The following SDHAF3 variants were observed in gnomAD, a reference collection of about 807,000 sequenced individuals.
SDHAF3 encodes the protein succinate dehydrogenase assembly factor 3, mitochondrial.
A neutral mutation model predicts 11.5 loss-of-function variants in SDHAF3; 18 were observed. The observed-to-expected ratio is 1.56, with a 90% CI of 1.08 to 2.32. The LOEUF (loss-of-function observed/expected upper bound fraction) is 2.32. SDHAF3 is among the 30% of genes most tolerant of loss of function. The pLI, the probability that SDHAF3 is intolerant of heterozygous loss-of-function variation, is 0.00. For missense variants in SDHAF3, 200 were observed against 154.4 expected (o/e 1.30, Z -1.57); for synonymous variants, 72 against 59.3 (o/e 1.21, Z -0.99).
chr7:97,144,126 G>A (rs1789100751), intron 1 of SDHAF3, among the ~76,000 whole-genome samples: 2 of 151,992 alleles, frequency 1.3e-5, no homozygotes, highest in Non-Finnish European at 2.9e-5. Flanking sequence ...TCGGCCTTTT[G>A]TATATCTTCT....
chr7:97,139,731 G>C (rs1789001265), intron 1 of SDHAF3, among the ~76,000 whole-genome samples: 1 of 152,224 alleles, frequency 6.6e-6, no homozygotes, highest in African/African-American at 2.4e-5. Context: ...AGAATTCCAG[G>C]TAAGAGTGCT....
chr7:97,148,891 TAAA>T (rs537857571), intron 1 of SDHAF3, among the ~76,000 whole-genome samples: 57 of 152,018 alleles, frequency 3.7e-4, no homozygotes, highest in African/African-American at 1.3e-3. Context: ...TACAGTAATT[TAAA>T]AAGTAGATTC....
intron 1 of SDHAF3, among the ~76,000 whole-genome samples, chr7:97,171,477 T>C (rs1282585448): frequency 1.3e-5 from 2 of 152,128 alleles, no homozygotes; most frequent in African/African-American, 2.4e-5. Flanking sequence ...TAATTCTGAT[T>C]GTGACAGCAT....
chr7:97,148,667 T>TA lies in SDHAF3; in HGVS notation c.174+30773dup, dbSNP rs1235498595. 6.6e-5 allele frequency among the ~76,000 whole-genome samples: 10 copies of TA among 152,352 alleles called. No homozygotes were observed. The East Asian group carries it at 1.9e-3, about 29-fold the overall frequency. ...TTTGAAGCATCTACTATCACTGATA[T>TA]AAAGCTAACAGCATTCAACTTTTTT... On this transcript the variant is annotated intron_variant, in intron 1 of 1. Coordinates refer to ENST00000432641, the MANE Select transcript of SDHAF3 (RefSeq NM_020186.3).
chr7:97,160,195 A>T, intron 1 of SDHAF3, among the ~76,000 whole-genome samples: 1 of 111,302 alleles, frequency 9.0e-6, no homozygotes. Context: ...TCGTCTGGGA[A>T]GTGAGGAGCG....
chr7:97,121,918 C>T (rs1044895598), intron 1 of SDHAF3, among the ~76,000 whole-genome samples: 9 of 144,492 alleles, frequency 6.2e-5, no homozygotes, highest in Admixed American at 2.2e-4. Flanking sequence ...AGTGCAGTGG[C>T]GTGATCTCAG....
chr7:97,120,458 G>C (rs1791473922), intron 1 of SDHAF3, among the ~76,000 whole-genome samples: 1 of 152,182 alleles, frequency 6.6e-6, no homozygotes, highest in African/African-American at 2.4e-5. Flanking sequence ...TTTATCACCA[G>C]AGAGTAATAT....
At chr7:97,150,492 C>A (rs888784101) in intron 1 of SDHAF3, among the ~76,000 whole-genome samples, 2 of 151,988 alleles carry the variant, frequency 1.3e-5, no homozygotes, top group South Asian at 4.2e-4. Flanking sequence ...TTGTATAGCT[C>A]CATCAGAGCT....
intron 1 of SDHAF3, among the ~76,000 whole-genome samples, chr7:97,134,831 T>C (rs1057216332): frequency 2.1e-4 from 32 of 152,234 alleles, no homozygotes; most frequent in African/African-American, 7.2e-4. Context: ...CCTGACTGTT[T>C]AATGCACATA....
chr7:97,177,181 T>A (rs1465264439), intron 1 of SDHAF3, among the ~76,000 whole-genome samples: 2 of 152,044 alleles, frequency 1.3e-5, no homozygotes, highest in Non-Finnish European at 2.9e-5. Flanking sequence ...CCTTAAAATA[T>A]TCATTAAAAT....
At chr7:97,170,091 C>G (rs1248899156) in intron 1 of SDHAF3, among the ~76,000 whole-genome samples, 2 of 146,626 alleles carry the variant, frequency 1.4e-5, no homozygotes, top group African/African-American at 2.4e-5. Context: ...AAGGAGTTGG[C>G]TAGTTCGTTT....
chr7:97,119,543 T>C (rs1294568669), intron 1 of SDHAF3, among the ~76,000 whole-genome samples: 1 of 152,200 alleles, frequency 6.6e-6, no homozygotes, highest in East Asian at 1.9e-4. Context: ...TCCCCCTGTG[T>C]TAGCATCTTA....
intron 1 of SDHAF3, among the ~76,000 whole-genome samples, chr7:97,159,220 G>A (rs370534980): frequency 2.0e-5 from 3 of 152,296 alleles, no homozygotes; most frequent in African/African-American, 7.2e-5. Flanking sequence ...ATAGTTTGTA[G>A]ATGTTCCTGT....
At chr7:97,139,179 C>T (rs2115660029) in intron 1 of SDHAF3, among the ~76,000 whole-genome samples, 1 of 152,308 alleles carries the variant, frequency 6.6e-6, no homozygotes, top group African/African-American at 2.4e-5. Context: ...GTCCTGTGTC[C>T]AAGAAGAATG....
At chr7:97,164,119 A>G (rs1789460703) in intron 1 of SDHAF3, among the ~76,000 whole-genome samples, 1 of 150,732 alleles carries the variant, frequency 6.6e-6, no homozygotes, top group African/African-American at 2.4e-5. Context: ...TGTTTTTTTT[A>G]TATTTTAGTA....
chr7:97,144,731 T>C (rs1789109475), intron 1 of SDHAF3, among the ~76,000 whole-genome samples: 1 of 152,152 alleles, frequency 6.6e-6, no homozygotes, highest in African/African-American at 2.4e-5. Context: ...CAGTTTGAAA[T>C]CATAGTGTGA....
intron 1 of SDHAF3, among the ~76,000 whole-genome samples, chr7:97,123,150 C>T (rs1791526412): frequency 6.6e-6 from 1 of 152,104 alleles, no homozygotes; most frequent in Admixed American, 6.5e-5. Context: ...CCTCTTTCCC[C>T]CCACCCCCTG....
At chr7:97,172,108 CTA>C (rs893866466) in intron 1 of SDHAF3, among the ~76,000 whole-genome samples, 1 of 151,992 alleles carries the variant, frequency 6.6e-6, no homozygotes, top group African/African-American at 2.4e-5. Context: ...ATATGAAAAA[CTA>C]TTCTTCAAAA....
chr7:97,157,872 C>A (rs1308548180), intron 1 of SDHAF3, among the ~76,000 whole-genome samples: 3 of 149,776 alleles, frequency 2.0e-5, no homozygotes, highest in East Asian at 4.0e-4. Flanking sequence ...GGACAAAAAA[C>A]CAAACACCGC....
Sources: allele counts gnomAD v4.1 joint callset (sites outside exome capture counted in the v4.1 genomes callset), GRCh38; gene constraint gnomAD v4.1.1; transcripts MANE v1.5; gene names NCBI Gene and HGNC (gene_info 2026-07-23, HGNC 2026-07-21).